Variants in GRIP2 observed in about 807,000 individuals in gnomAD.
GRIP2 encodes the protein glutamate receptor interacting protein 2.
GRIP2 carries 58 observed loss-of-function variants against 108.3 expected under a neutral mutation model. The ratio of observed to expected loss-of-function variants is 0.54; its 90% confidence interval spans 0.43 to 0.67. The LOEUF (loss-of-function observed/expected upper bound fraction) is 0.67. GRIP2 is among the 30% of genes least tolerant of loss of function. The probability of loss-of-function intolerance (pLI) is 0.00; values close to 1 mark genes in which losing one functional copy is unlikely to be tolerated. For missense variants in GRIP2, 1,278 were observed against 1,430.6 expected, an observed-to-expected ratio of 0.89 and a Z score of 1.72; for synonymous variants, 586 against 598.2, an observed-to-expected ratio of 0.98 and a Z score of 0.30.
intron 1 of GRIP2, among the ~76,000 whole-genome samples, chr3:14,552,830 T>C (rs1401286419): frequency 1.3e-5 from 2 of 152,096 alleles, no homozygotes; most frequent in African/African-American, 4.8e-5. Flanking sequence ...TGGCCTCAAG[T>C]GATCTGCCCA....
intron 1 of GRIP2, among the ~76,000 whole-genome samples, chr3:14,529,195 C>T (rs907115745): frequency 5.5e-5 from 8 of 146,258 alleles, no homozygotes; most frequent in Admixed American, 1.4e-4. Context: ...AGGTGAATGG[C>T]GTGAACCTGG....
At position 14,520,343 on chromosome 3, in the gene GRIP2, TC is replaced by T; in HGVS notation, c.860+46del. The T allele has an allele frequency of 1.9e-6, 3 of 1,610,444 alleles. No homozygotes were observed. In the South Asian group the frequency reaches 3.3e-5, roughly 18 times the overall value. On this transcript the variant is annotated intron_variant, in intron 8 of 23. Coordinates refer to ENST00000621039, the MANE Select transcript of GRIP2 (RefSeq NM_001080423.4). ...GCCAGACAAAGCTCTGGGCCGCCTCTCCCCTGCACACACCTCCATGGTGGCA... is the reference window on the plus strand; with the variant it reads ...GCCAGACAAAGCTCTGGGCCGCCTCTCCCTGCACACACCTCCATGGTGGCA...
At chr3:14,525,978 T>C in intron 1 of GRIP2, 47 bp from the exon 2 acceptor site, 1 of 1,497,034 alleles carries the variant, frequency 6.7e-7, no homozygotes. Flanking sequence ...TTCGTTTCCA[T>C]TCCTGCAGAC....
rs1315394609 is a variant in GRIP2 at position 14,550,539 on chromosome 3, G to T, written c.55+5361C>A. On this transcript the variant is annotated intron_variant, in intron 1 of 23. Coordinates refer to the GRIP2 transcript ENST00000637182. ...GCGGCACCGCTGGTGCCTCAGAGGG[G>T]CCCTGAGTTCAACTCCTAGATCTAC... 2.0e-5 allele frequency among the ~76,000 whole-genome samples: 3 copies of T among 152,228 alleles called. 1 individual carries two copies. The highest frequency in any genetic ancestry group is 7.2e-5 in the African/African-American group (3 of 41,462).
chr3:14,600,744 G>A, the GRIP2 span, among the ~76,000 whole-genome samples: 118 of 152,308 alleles, frequency 7.7e-4, no homozygotes, highest in Non-Finnish European at 1.5e-3. Context: ...AGAGAAAGCC[G>A]GAGATTTTGC....
At chr3:14,602,903 C>G in the GRIP2 span, among the ~76,000 whole-genome samples, 3 of 150,786 alleles carry the variant, frequency 2.0e-5, no homozygotes, top group South Asian at 6.2e-4. The surrounding 1 kb of genome is among the most constrained non-coding windows in gnomAD (Gnocchi z 4.7). Context: ...GCGCGCTCAC[C>G]GGCCGGGCAG....
chr3:14,558,196 TTCTACCAGAG>T (rs1695265127), upstream of GRIP2, among the ~76,000 whole-genome samples: 1 of 152,178 alleles, frequency 6.6e-6, no homozygotes, highest in Admixed American at 6.5e-5. Context: ...AGGTGCGGTA[TTCTACCAGAG>T]TCACACAGCA....
At chr3:14,506,672 G>A (rs1420095986) in intron 19 of GRIP2, 129 bp downstream of exon 19, 6 of 843,272 alleles carry the variant, frequency 7.1e-6, no homozygotes, top group South Asian at 7.0e-5. Flanking sequence ...CTTCAGGAAG[G>A]GCCCCTAAAG....
chr3:14,517,495 T>TCTC (rs1491421241), intron 10 of GRIP2, among the ~76,000 whole-genome samples: 1 of 13,932 alleles, frequency 7.2e-5, no homozygotes, highest in Non-Finnish European at 1.2e-4. Flanking sequence ...TCTCTCTCTC[T>TCTC]TTTTTTTTTT....
intron 12 of GRIP2, 110 bp downstream of exon 12, chr3:14,514,182 G>T: frequency 9.8e-7 from 1 of 1,024,864 alleles, no homozygotes. Context: ...CTGGTGCTGG[G>T]GCTGATGCAA....
intron 22 of GRIP2, 87 bp downstream of exon 22, chr3:14,496,330 G>C (rs1190540683): frequency 8.5e-7 from 1 of 1,181,164 alleles, no homozygotes; most frequent in Admixed American, 2.8e-5. Context: ...AGCCCTGAGA[G>C]GGGCAGGGCC....
At chr3:14,535,153 G>A (rs1694805320) in intron 1 of GRIP2, among the ~76,000 whole-genome samples, 1 of 152,144 alleles carries the variant, frequency 6.6e-6, no homozygotes, top group Non-Finnish European at 1.5e-5. Context: ...GAGGACATGG[G>A]CGCTAAGTAC....
chr3:14,527,229 G>T (rs1025205975), intron 1 of GRIP2, among the ~76,000 whole-genome samples: 1 of 149,826 alleles, frequency 6.7e-6, no homozygotes, highest in Non-Finnish European at 1.5e-5. Flanking sequence ...GAGAGAGAGG[G>T]GGTGAGAAAG....
At chr3:14,591,966 G>A in the GRIP2 span, among the ~76,000 whole-genome samples, 1 of 152,262 alleles carries the variant, frequency 6.6e-6, no homozygotes, top group Non-Finnish European at 1.5e-5. Context: ...TCTGTTCTGT[G>A]AGATCTAGGA....
chr3:14,584,353 C>T, the GRIP2 span, among the ~76,000 whole-genome samples: 22 of 152,320 alleles, frequency 1.4e-4, no homozygotes, highest in Admixed American at 1.4e-3. Flanking sequence ...CACCATTCAT[C>T]CAAGTCCTGA....
chr3:14,551,162 G>T (rs951728424), intron 1 of GRIP2, among the ~76,000 whole-genome samples: 11 of 152,172 alleles, frequency 7.2e-5, no homozygotes, highest in African/African-American at 2.7e-4. Context: ...TTGGCTGATG[G>T]AGGTGCTTTC....
At chr3:14,579,118 G>A in the GRIP2 span, among the ~76,000 whole-genome samples, 19 of 152,174 alleles carry the variant, frequency 1.2e-4, no homozygotes, top group African/African-American at 3.4e-4. Flanking sequence ...TCCACTCCCC[G>A]GAAGAACAAG....
At chr3:14,551,624 A>C (rs991524995) in intron 1 of GRIP2, among the ~76,000 whole-genome samples, 1 of 152,156 alleles carries the variant, frequency 6.6e-6, no homozygotes, top group Admixed American at 6.5e-5. Context: ...CAGGAGAAGC[A>C]CAGAGAAGGC....
At position 14,520,380 on chromosome 3, in the gene GRIP2, T is replaced by C; in HGVS notation, c.860+10A>G. The C allele has an allele frequency of 6.8e-6, 11 of 1,610,438 alleles. No individual in the cohort carries two copies. Among genetic ancestry groups the C allele is most frequent in the Non-Finnish European group, 9.3e-6 (11 of 1,178,440 alleles). On this transcript the variant is annotated intron_variant, in intron 8 of 23. Transcript: ENST00000621039. Reference sequence around the variant, plus strand: ...ACCTCCATGGTGGCAGCACCCAGGGTGTGCCTTACCTGTCCACCACGCTGG... The same window carrying C: ...ACCTCCATGGTGGCAGCACCCAGGGCGTGCCTTACCTGTCCACCACGCTGG...
Sources: gnomAD v4.1 joint callset for allele counts (sites outside exome capture counted in the v4.1 genomes callset) on GRCh38, gnomAD v4.1.1 for gene constraint, Gnocchi (gnomAD v3.1) non-coding constraint, MANE v1.5 for transcripts, NCBI Gene and HGNC (gene_info 2026-07-23, HGNC 2026-07-21) for gene names.